The following MAP3K21 variants were observed in gnomAD, a reference collection of about 807,000 sequenced individuals.
MAP3K21 encodes mitogen-activated protein kinase kinase kinase MLK4.
Under a neutral mutation model 86.1 loss-of-function variants are expected in MAP3K21, and 63 were observed. The ratio of observed to expected loss-of-function variants is 0.73; its 90% CI spans 0.60 to 0.90. MAP3K21 has a LOEUF of 0.90. Ranked by LOEUF, MAP3K21 falls within the 40% of genes least tolerant of loss-of-function variation. MAP3K21 has a pLI of 0.00. For synonymous variants in MAP3K21, 558 were observed against 564.8 expected (o/e 0.99, Z 0.17); for missense variants, 1,220 against 1,367.7 (o/e 0.89, Z 1.70).
At chr1:233,371,214 C>T (rs969004470) in intron 5 of MAP3K21, among the ~76,000 whole-genome samples, 3 of 152,194 alleles carry the variant, frequency 2.0e-5, no homozygotes, top group Admixed American at 2.0e-4. Flanking sequence ...AACACCACGA[C>T]CACCATGTGA....
intron 4 of MAP3K21, among the ~76,000 whole-genome samples, chr1:233,356,380 C>A (rs1448033670): frequency 2.0e-5 from 3 of 152,082 alleles, no homozygotes; most frequent in Non-Finnish European, 1.5e-5. Flanking sequence ...CATTAATGAA[C>A]CTAAGTACAG....
intron 1 of MAP3K21, among the ~76,000 whole-genome samples, chr1:233,345,270 G>A (rs1653228589): frequency 6.6e-6 from 1 of 152,148 alleles, no homozygotes; most frequent in South Asian, 2.1e-4. Context: ...CTACTATAAA[G>A]ACAAATGCAC....
At chr1:233,360,934 G>A (rs1413775695) in intron 4 of MAP3K21, among the ~76,000 whole-genome samples, 2 of 152,204 alleles carry the variant, frequency 1.3e-5, no homozygotes, top group African/African-American at 4.8e-5. Context: ...ACCTGAGAAG[G>A]CATCTGCAGT....
At chr1:233,355,495 A>G (rs12133343) in intron 4 of MAP3K21, among the ~76,000 whole-genome samples, 7,420 of 152,284 alleles carry the variant, frequency 0.049, 278 homozygotes, top group Non-Finnish European at 0.072. Flanking sequence ...ATGCTGGGAC[A>G]GTGCCAGAGT....
intron 5 of MAP3K21, among the ~76,000 whole-genome samples, chr1:233,363,014 C>A (rs1301181913): frequency 1.3e-5 from 2 of 152,028 alleles, no homozygotes; most frequent in African/African-American, 4.8e-5. Context: ...AAATTAAGTT[C>A]TTTAATATTA....
Position 233,328,322 on chromosome 1 carries a change from T to A in MAP3K21, c.294T>A (p.Ala98=). 1 of 1,476,402 alleles carries A rather than the reference T, an allele frequency of 6.8e-7. No individual in the cohort carries two copies. The highest frequency in any genetic ancestry group is 8.9e-7 in the Non-Finnish European group (1 of 1,122,000). 91.5% of individuals were successfully genotyped at this position (1,476,402 alleles called of 1,614,324 possible). A position where few individuals can be genotyped will look rare whatever the true frequency, so the allele number is the denominator to read the frequency against. Residue 98 remains alanine (A), a synonymous_variant, in exon 1 of 10, where the codon GCT becomes GCA. Transcript: ENST00000366624. This position sits in a 1 kb window ranked among gnomAD's most constrained non-coding sequence, Gnocchi z 8.7. ...RLGIFPANYV[A]PCRPAASPAP... is the part of the protein sequence containing the mutation. ...GCATCTTCCCCGCCAACTACGTGGC[T>A]CCCTGCCGCCCGGCCGCCAGCCCCG...
chr1:233,330,433 AAT>A (rs1261507614), intron 1 of MAP3K21, among the ~76,000 whole-genome samples: 1 of 152,066 alleles, frequency 6.6e-6, no homozygotes, highest in Non-Finnish European at 1.5e-5. Flanking sequence ...TTCTTTCGAT[AAT>A]ATATATATAT....
chr1:233,367,700 A>C (rs1663603983), intron 5 of MAP3K21, among the ~76,000 whole-genome samples: 1 of 151,888 alleles, frequency 6.6e-6, no homozygotes, highest in East Asian at 1.9e-4. Flanking sequence ...TCTCTATTAA[A>C]AGTACAAATA....
chr1:233,334,087 G>A (rs568578911), intron 1 of MAP3K21, among the ~76,000 whole-genome samples: 3 of 151,616 alleles, frequency 2.0e-5, no homozygotes, highest in Non-Finnish European at 4.4e-5. Flanking sequence ...GGATGGTCTT[G>A]ATCTCCTGAC....
chr1:233,337,066 T>C (rs1297796588), intron 1 of MAP3K21, among the ~76,000 whole-genome samples: 1 of 152,186 alleles, frequency 6.6e-6, no homozygotes, highest in Non-Finnish European at 1.5e-5. Flanking sequence ...CACTAGCTTT[T>C]TGAATAGGGT....
chr1:233,375,396 C>T (rs1663773255), intron 6 of MAP3K21, among the ~76,000 whole-genome samples: 1 of 152,020 alleles, frequency 6.6e-6, no homozygotes, highest in African/African-American at 2.4e-5. Flanking sequence ...AAAAGGCAAC[C>T]GTAACCAAAG....
Position 233,362,087 on chromosome 1 carries a change from C to G in MAP3K21, c.1346C>G (p.Ala449Gly). 6.2e-7 allele frequency: 1 copy of G among 1,612,758 alleles called. No homozygotes were observed. The part of the protein sequence containing the change: ...LRSREEELTR[A>G]ALQQKSQEEL... ...TCCCGGGAAGAGGAGCTGACTCGGG[C>G]GGCTCTGCAGCAGAAGTCTCAGGAG... is the stretch of plus-strand genomic sequence containing the variant. The change falls in exon 5 of 10, where the codon GCG (alanine) becomes GGG (glycine). Residue 449 changes from alanine to glycine, a missense_variant. This residue lies in a region of MAP3K21 where 126 missense variants were observed against 127.7 expected (regional missense o/e 0.99). Coordinates refer to ENST00000366624, the MANE Select transcript of MAP3K21 (RefSeq NM_032435.3).
chr1:233,369,603 T>C (rs1374562216), intron 5 of MAP3K21, among the ~76,000 whole-genome samples: 1 of 152,100 alleles, frequency 6.6e-6, no homozygotes, highest in African/African-American at 2.4e-5. Flanking sequence ...GAGCTCAGAA[T>C]GGTTTTTACA....
intron 5 of MAP3K21, among the ~76,000 whole-genome samples, chr1:233,364,698 G>A (rs1372164943): frequency 6.6e-6 from 1 of 151,664 alleles, no homozygotes; most frequent in African/African-American, 2.4e-5. Flanking sequence ...TTCCTGTATT[G>A]TATTATACAG....
intron 1 of MAP3K21, among the ~76,000 whole-genome samples, chr1:233,333,522 G>A (rs962786957): frequency 3.3e-5 from 5 of 152,186 alleles, no homozygotes; most frequent in African/African-American, 1.2e-4. Flanking sequence ...GCCAAGGTGG[G>A]AGGATCGCTT....
chr1:233,344,567 T>C (rs976687986), intron 1 of MAP3K21, among the ~76,000 whole-genome samples: 3 of 152,148 alleles, frequency 2.0e-5, no homozygotes, highest in Non-Finnish European at 2.9e-5. Flanking sequence ...TTACACCTTA[T>C]ACAAAAATCA....
At chr1:233,365,836 C>A (rs1365847911) in intron 5 of MAP3K21, among the ~76,000 whole-genome samples, 1 of 151,894 alleles carries the variant, frequency 6.6e-6, no homozygotes, top group Non-Finnish European at 1.5e-5. Flanking sequence ...AATTCCACTA[C>A]CAGGTGTTTA....
intron 3 of MAP3K21, among the ~76,000 whole-genome samples, chr1:233,354,391 C>T (rs1380504635): frequency 3.3e-5 from 5 of 152,086 alleles, no homozygotes; most frequent in African/African-American, 1.2e-4. Context: ...TTTTGTAAGC[C>T]GCAAGTTGCC....
intron 5 of MAP3K21, among the ~76,000 whole-genome samples, chr1:233,364,587 A>G (rs1663534601): frequency 2.0e-5 from 3 of 152,356 alleles, no homozygotes; most frequent in South Asian, 2.1e-4. Flanking sequence ...TCAGATTTTC[A>G]GTCTTGCTTT....
Sources: allele counts gnomAD v4.1 joint callset (sites outside exome capture counted in the v4.1 genomes callset), GRCh38; gene constraint gnomAD v4.1.1; regional missense constraint gnomAD v4.1.1; non-coding constraint Gnocchi (gnomAD v3.1); transcripts MANE v1.5; gene names NCBI Gene and HGNC (gene_info 2026-07-23, HGNC 2026-07-21).